PCTP: variants seen among roughly 807,000 people sequenced by gnomAD.
PCTP encodes the protein phosphatidylcholine transfer protein.
In PCTP, 27 loss-of-function variants were observed where a neutral mutation model predicts 31.0. The ratio of observed to expected loss-of-function variants is 0.87; its 90% confidence interval spans 0.64 to 1.20. The LOEUF (loss-of-function observed/expected upper bound fraction) is 1.20, where lower values mean the gene tolerates loss of function less well. PCTP is among the 50% of genes most tolerant of loss of function. The pLI is 0.00. For missense variants in PCTP, 287 were observed against 268.2 expected, an observed-to-expected ratio of 1.07 and a Z score of -0.49; for synonymous variants, 108 against 101.2, an observed-to-expected ratio of 1.07 and a Z score of -0.40.
downstream of PCTP, among the ~76,000 whole-genome samples, chr17:55,778,725 A>G (rs1911455505): frequency 6.6e-6 from 1 of 152,142 alleles, no homozygotes; most frequent in South Asian, 2.1e-4. Context: ...GGGTTATAGT[A>G]TAATGTTAGA....
At chr17:55,838,254 A>C (rs911407504) in intron 5 of PCTP, among the ~76,000 whole-genome samples, 2 of 152,196 alleles carry the variant, frequency 1.3e-5, no homozygotes, top group African/African-American at 4.8e-5. Context: ...TACAGCCTGC[A>C]AGCCCTATTC....
At chr17:55,764,352 G>A (rs1253015062) in intron 1 of PCTP, among the ~76,000 whole-genome samples, 1 of 152,178 alleles carries the variant, frequency 6.6e-6, no homozygotes, top group African/African-American at 2.4e-5. Flanking sequence ...GAGTGTAAAT[G>A]TGTGGGTATG....
chr17:55,797,240 A>T (rs941253313), intron 3 of PCTP, among the ~76,000 whole-genome samples: 4 of 152,066 alleles, frequency 2.6e-5, no homozygotes, highest in South Asian at 2.1e-4. Context: ...TTCAATTTTT[A>T]AAAATGTGCT....
chr17:55,832,098 AC>A (rs1905618283), intron 5 of PCTP, among the ~76,000 whole-genome samples: 1 of 152,070 alleles, frequency 6.6e-6, no homozygotes, highest in African/African-American at 2.4e-5. Flanking sequence ...AACAACAACA[AC>A]AACAAAAAAC....
chr17:55,847,919 G>GTTTTT, the PCTP span, among the ~76,000 whole-genome samples: 2 of 151,742 alleles, frequency 1.3e-5, no homozygotes, highest in African/African-American at 4.8e-5. Context: ...TTTTGTTTTT[G>GTTTTT]TTTTTGTTTT....
At chr17:55,786,543 G>C (rs1911754254) in intron 2 of PCTP, among the ~76,000 whole-genome samples, 1 of 152,076 alleles carries the variant, frequency 6.6e-6, no homozygotes, top group Admixed American at 6.5e-5. Context: ...GCTGACATCT[G>C]CCTATCTGTT....
chr17:55,819,033 AAAAAG>A (rs1913026253), intron 3 of PCTP, among the ~76,000 whole-genome samples: 1 of 148,718 alleles, frequency 6.7e-6, no homozygotes, highest in Admixed American at 6.7e-5. Context: ...AAAAAAAAAA[AAAAAG>A]AAAAGGAAAG....
At chr17:55,758,294 C>G (rs981839688) in intron 1 of PCTP, among the ~76,000 whole-genome samples, 1 of 152,184 alleles carries the variant, frequency 6.6e-6, no homozygotes, top group African/African-American at 2.4e-5. Flanking sequence ...GAGGAGCAGA[C>G]AGTACTTTCC....
rs1054654426 is a variant in PCTP at position 55,822,807 on chromosome 17, T to C, written c.364T>C (p.Ser122Pro). ...GAAGCTCAGAATCAGAGAGACCTCATCAAGTTTTTGGCAAACCCAAACATT... is the reference window on the plus strand; with the variant it reads ...GAAGCTCAGAATCAGAGAGACCTCACCAAGTTTTTGGCAAACCCAAACATT... The change falls in exon 4 of 4, where the codon TCA (serine) becomes CCA (proline). Residue 122 changes from serine (S) to proline (P), a missense_variant. Physicochemically the swap from Ser to Pro is moderately conservative, Grantham distance 74. Transcript: ENST00000572536. 3 of 1,231,266 alleles carry C rather than the reference T, an allele frequency of 2.4e-6. No homozygotes were observed. The African/African-American group carries it at 4.7e-5, about 19-fold the overall frequency. 76.3% of individuals were successfully genotyped at this position (1,231,266 alleles called of 1,614,324 possible). A position where few individuals can be genotyped will look rare whatever the true frequency, so the allele number is the denominator to read the frequency against.
At chr17:55,768,998 C>T (rs1910837698) in intron 2 of PCTP, 1 of 152,134 alleles carries the variant, frequency 6.6e-6, no homozygotes, top group Non-Finnish European at 1.5e-5. Flanking sequence ...TGAAAAAAGT[C>T]CAGGGGTTTC....
At chr17:55,807,910 C>CTTA (rs1217300503) in intron 3 of PCTP, among the ~76,000 whole-genome samples, 2 of 152,088 alleles carry the variant, frequency 1.3e-5, no homozygotes, top group Non-Finnish European at 2.9e-5. Flanking sequence ...CATTCATTAT[C>CTTA]TTATTATAAC....
intron 1 of PCTP, among the ~76,000 whole-genome samples, chr17:55,759,707 C>T (rs911826364): frequency 6.6e-6 from 1 of 152,090 alleles, no homozygotes; most frequent in Non-Finnish European, 1.5e-5. Flanking sequence ...TTATCAAGAC[C>T]ACCTTGTAGT....
Position 55,820,273 on chromosome 17 carries a change from A to G in PCTP, c.318-2488A>G, listed in dbSNP as rs139840104. Among the ~76,000 whole-genome samples the G allele has an allele frequency of 9.3e-3, 1,412 of 152,352 alleles. 27 individuals carry two copies. Among genetic ancestry groups the G allele is most frequent in the African/African-American group, 0.031 (1,307 of 41,580 alleles). On this transcript the variant is annotated intron_variant, in intron 3 of 3. Coordinates refer to the PCTP transcript ENST00000572536. ...AAAATTTCTGCAAATCATATATCTG[A>G]TAAGGGGCATTCCTGTTGCTATAAC...
chr17:55,783,855 A>G (rs1356695148), intron 2 of PCTP, among the ~76,000 whole-genome samples: 1 of 152,184 alleles, frequency 6.6e-6, no homozygotes, highest in Non-Finnish European at 1.5e-5. Context: ...GACTTCAGCG[A>G]CGGTGCCGAG....
chr17:55,785,441 C>T (rs1280376680), intron 2 of PCTP, among the ~76,000 whole-genome samples: 1 of 152,250 alleles, frequency 6.6e-6, no homozygotes, highest in Non-Finnish European at 1.5e-5. Context: ...AGCCAGAGGA[C>T]TTAGCTAAGC....
downstream of PCTP, chr17:55,777,529 A>T (rs1200770625): frequency 2.7e-6 from 1 of 364,812 alleles, no homozygotes; most frequent in African/African-American, 2.2e-5. Context: ...AGGTGTAGGT[A>T]TCTTCATGTA....
At chr17:55,790,474 A>AT (rs1443891930) in intron 3 of PCTP, among the ~76,000 whole-genome samples, 5 of 148,940 alleles carry the variant, frequency 3.4e-5, no homozygotes, top group Non-Finnish European at 7.5e-5. Context: ...TACAAAATCA[A>AT]TGTACAAAAA....
chr17:55,814,672 C>G lies in PCTP; in HGVS notation c.318-8089C>G, dbSNP rs111315543. ...GGCAGCTTCCCGAAGCCAATGCTTG[C>G]ACTGTCATGGAAGGCAGGTGGTGGT... is the stretch of plus-strand genomic sequence containing the variant. On this transcript the variant is annotated intron_variant, in intron 3 of 3. Transcript: ENST00000572536. Among the ~76,000 whole-genome samples the G allele has an allele frequency of 2.3e-3, 351 of 152,344 alleles. 1 individual carries two copies. Among genetic ancestry groups the G allele is most frequent in the Non-Finnish European group, 4.3e-3 (295 of 68,034 alleles).
At chr17:55,751,309 G>A (rs1909693205) in intron 1 of PCTP, 65 bp downstream of exon 1, 2 of 1,517,574 alleles carry the variant, frequency 1.3e-6, no homozygotes, top group South Asian at 1.2e-5. Context: ...TCCCCGCAGG[G>A]AGTGCGGGGC....
Sources: allele counts gnomAD v4.1 joint callset (sites outside exome capture counted in the v4.1 genomes callset), GRCh38; gene constraint gnomAD v4.1.1; transcripts MANE v1.5; gene names NCBI Gene and HGNC (gene_info 2026-07-23, HGNC 2026-07-21).